Variants in TRIM9 observed in about 807,000 individuals in gnomAD.
TRIM9 encodes tripartite motif containing 9, also known as E3 ubiquitin-protein ligase TRIM9.
In TRIM9, 26 loss-of-function variants were observed where a neutral mutation model predicts 78.3. The ratio of observed to expected loss-of-function variants is 0.33; its 90% CI spans 0.24 to 0.46. The LOEUF (loss-of-function observed/expected upper bound fraction) is 0.46, where lower values mean the gene tolerates loss of function less well. Among genes scored for constraint, TRIM9 ranks in the 20% least tolerant of loss-of-function variants. TRIM9 has a pLI of 1.00. For synonymous variants in TRIM9, 398 were observed against 416.5 expected (o/e 0.96, Z 0.54); for missense variants, 787 against 1,036.4 (o/e 0.76, Z 3.30).
In TRIM9 at chr14:51,085,220, G is replaced by A. The variant is rs2063641776; in HGVS notation, c.822+8898C>T. Among the ~76,000 whole-genome samples, 3 of 152,204 alleles carry A rather than the reference G, an allele frequency of 2.0e-5. No homozygotes were observed. In the South Asian group the frequency reaches 6.2e-4, roughly 32 times the overall value. On this transcript the variant is annotated intron_variant, in intron 1 of 12. Coordinates refer to ENST00000684578, the MANE Select transcript of TRIM9 (RefSeq NM_001387360.1). ...AAAAACCTCAATAAAACTGACTGAT[G>A]CTACCCAGCTAGAAAGTCAGTGTCA...
intron 1 of TRIM9, among the ~76,000 whole-genome samples, chr14:51,045,887 G>A (rs1194126511): frequency 2.0e-5 from 3 of 151,898 alleles, no homozygotes; most frequent in African/African-American, 7.3e-5. Context: ...TGGATTTTTT[G>A]TAATGGTGAA....
intron 1 of TRIM9, among the ~76,000 whole-genome samples, chr14:51,082,774 C>CA (rs1329816025): frequency 1.3e-5 from 2 of 151,132 alleles, no homozygotes; most frequent in South Asian, 2.1e-4. Flanking sequence ...AGTTACATCT[C>CA]AAAAAAAAAG....
intron 1 of TRIM9, among the ~76,000 whole-genome samples, chr14:51,074,578 T>C (rs138777984): frequency 7.9e-5 from 12 of 152,352 alleles, no homozygotes; most frequent in African/African-American, 2.6e-4. Flanking sequence ...TTTTAGGAAG[T>C]AAATAGTCCA....
At chr14:51,017,795 C>T (rs1484229983) in intron 3 of TRIM9, among the ~76,000 whole-genome samples, 1 of 152,108 alleles carries the variant, frequency 6.6e-6, no homozygotes, top group East Asian at 1.9e-4. Flanking sequence ...TTGGCATTGC[C>T]AAAGTGAGTG....
intron 1 of TRIM9, among the ~76,000 whole-genome samples, chr14:51,049,317 A>T (rs1288138372): frequency 6.6e-6 from 1 of 152,132 alleles, no homozygotes; most frequent in Non-Finnish European, 1.5e-5. Flanking sequence ...AGATTATACC[A>T]GGTCTCACTG....
Position 51,003,550 on chromosome 14 carries a change from A to T in TRIM9, c.1307-2710T>A, listed in dbSNP as rs1057322832. Among the ~76,000 whole-genome samples the T allele has an allele frequency of 6.6e-5, 10 of 152,334 alleles. No homozygotes were observed. The East Asian group carries it at 1.2e-3, about 18-fold the overall frequency. On this transcript the variant is annotated intron_variant, in intron 5 of 12. Transcript: ENST00000684578. ...TACCTGTGTAGACATAGGTATAATTAAAAAAGTAACTGAAATACATGATGT... is the reference window on the plus strand; with the variant it reads ...TACCTGTGTAGACATAGGTATAATTTAAAAAGTAACTGAAATACATGATGT...
At chr14:51,009,297 C>G in intron 4 of TRIM9, 64 bp from the exon 5 acceptor site, 1 of 1,589,208 alleles carries the variant, frequency 6.3e-7, no homozygotes, top group Non-Finnish European at 8.6e-7. Flanking sequence ...ACAACACTGC[C>G]CCTTGGCTCT....
At chr14:51,080,226 T>TA (rs201632600) in intron 1 of TRIM9, among the ~76,000 whole-genome samples, 29 of 145,008 alleles carry the variant, frequency 2.0e-4, no homozygotes, top group Middle Eastern at 3.5e-3. Context: ...AAGCCAATGT[T>TA]AAAAAAAAAA....
intron 1 of TRIM9, among the ~76,000 whole-genome samples, chr14:51,054,315 C>G (rs867311586): frequency 1.2e-5 from 1 of 80,104 alleles, no homozygotes; most frequent in African/African-American, 4.2e-5. Flanking sequence ...TGTTGTTGTC[C>G]AGGCTGAAGT....
chr14:51,011,439 A>T (rs933891253), intron 3 of TRIM9, among the ~76,000 whole-genome samples: 1 of 152,094 alleles, frequency 6.6e-6, no homozygotes, highest in African/African-American at 2.4e-5. Context: ...TAATCCTCCT[A>T]TCTCAGTCTC....
chr14:51,088,065 AC>A, intron 1 of TRIM9, among the ~76,000 whole-genome samples: 1 of 152,320 alleles, frequency 6.6e-6, no homozygotes, highest in South Asian at 2.1e-4. Context: ...TACCTCTTTG[AC>A]TTTTAATGTT....
chr14:51,080,122 A>C, intron 1 of TRIM9, among the ~76,000 whole-genome samples: 1 of 152,166 alleles, frequency 6.6e-6, no homozygotes, highest in East Asian at 1.9e-4. Flanking sequence ...AGGCATAGCA[A>C]AACTAAACAT....
intron 1 of TRIM9, among the ~76,000 whole-genome samples, chr14:51,069,538 G>A (rs2062035197): frequency 6.6e-6 from 1 of 152,220 alleles, no homozygotes; most frequent in Non-Finnish European, 1.5e-5. Context: ...AGGCTGCACT[G>A]AGAAACTGCA....
chr14:50,995,122 G>T (rs1234038101), intron 7 of TRIM9, among the ~76,000 whole-genome samples: 3 of 152,032 alleles, frequency 2.0e-5, no homozygotes, highest in Non-Finnish European at 4.4e-5. Context: ...AAGTATCTGG[G>T]ATTACAGGCA....
At chr14:51,033,619 C>T (rs10141612) in intron 1 of TRIM9, among the ~76,000 whole-genome samples, 8,653 of 152,178 alleles carry the variant, frequency 0.057, 287 homozygotes, top group East Asian at 0.1. Flanking sequence ...TCATCCTTGG[C>T]CATACGGCTT....
At chr14:51,059,042 G>C (rs1282550055) in intron 1 of TRIM9, among the ~76,000 whole-genome samples, 1 of 152,204 alleles carries the variant, frequency 6.6e-6, no homozygotes, top group Non-Finnish European at 1.5e-5. Context: ...TAAAGGAAGA[G>C]CTAATGAAAG....
intron 1 of TRIM9, among the ~76,000 whole-genome samples, chr14:51,045,659 C>T (rs1476509827): frequency 2.0e-5 from 3 of 152,092 alleles, no homozygotes; most frequent in Non-Finnish European, 2.9e-5. Context: ...ATCTTTAATA[C>T]CTTCATTAAA....
chr14:50,998,812 C>T (rs922865693), intron 6 of TRIM9, among the ~76,000 whole-genome samples: 2 of 152,180 alleles, frequency 1.3e-5, no homozygotes, highest in African/African-American at 4.8e-5. Context: ...TAGCATAATG[C>T]GTCTTTAGCA....
At chr14:50,997,029 C>T (rs1235422706) in intron 7 of TRIM9, 3 of 985,274 alleles carry the variant, frequency 3.0e-6, no homozygotes, top group African/African-American at 3.5e-5. Context: ...GTTCTTTTAG[C>T]TAACATCTTG....
Sources: gnomAD v4.1 joint callset for allele counts (sites outside exome capture counted in the v4.1 genomes callset) on GRCh38, gnomAD v4.1.1 for gene constraint, MANE v1.5 for transcripts, NCBI Gene and HGNC (gene_info 2026-07-23, HGNC 2026-07-21) for gene names.